The following PTGIR variants were observed in gnomAD, a reference collection of about 807,000 sequenced individuals.
The protein encoded by PTGIR is prostaglandin I2 receptor, also known as prostacyclin receptor.
Under a neutral mutation model 17.6 loss-of-function variants are expected in PTGIR, and 16 were observed. The observed-to-expected ratio is 0.91, with a 90% CI of 0.61 to 1.38. The LOEUF (loss-of-function observed/expected upper bound fraction) is 1.38. PTGIR is among the 40% of genes most tolerant of loss of function. The pLI is 0.00. For missense variants in PTGIR, 532 were observed against 548.6 expected (o/e 0.97, Z 0.30); for synonymous variants, 274 against 255.4 (o/e 1.07, Z -0.69).
At chr19:46,619,539 AAGAAAGAAAGAGAGAGAGAGAGAGAGAG>A (rs1346560916), downstream of PTGIR, among the ~76,000 whole-genome samples, 3 of 65,490 alleles carry the variant, frequency 4.6e-5, no homozygotes, top group African/African-American at 1.8e-4. Flanking sequence ...GAAAGAAAGA[AAGAAAGAAAGAGAGAGAGAGAGAGAGAG>A]AGAGAGAGAG....
downstream of PTGIR, among the ~76,000 whole-genome samples, chr19:46,619,497 A>AAAAGAAAGAAAG (rs1176986063): frequency 4.4e-4 from 49 of 110,548 alleles, no homozygotes; most frequent in South Asian, 6.3e-4. Context: ...TCTGTCTCAA[A>AAAAGAAAGAAAG]AAAGAAAGAA....
chr19:46,619,569 GAGAGAGAGAGAGA>G (rs1972018443), downstream of PTGIR, among the ~76,000 whole-genome samples: 1 of 113,078 alleles, frequency 8.8e-6, no homozygotes, highest in South Asian at 3.1e-4. Context: ...GAGAGAGAGA[GAGAGAGAGAGAGA>G]GAAAGAAAGA....
rs908990512 is a variant in PTGIR, at chr19:46,624,137, C to G, written c.89G>C (p.Gly30Ala). The G allele has an allele frequency of 6.5e-7, 1 of 1,533,188 alleles. No homozygotes were observed. The highest frequency in any genetic ancestry group is 8.7e-7 in the Non-Finnish European group (1 of 1,146,814). The allele number at this position is 1,533,188 out of a possible 1,614,324, so 95.0% of individuals were successfully genotyped here. A position where few individuals can be genotyped will look rare whatever the true frequency, so the allele number is the denominator to read the frequency against. The change falls in exon 2 of 3, where the codon GGC (glycine) becomes GCC (alanine). Residue 30 changes from glycine (G) to alanine (A), a missense_variant. Transcript: ENST00000291294. ...CAGGATGCCCAGGGCCAGCCCGTTG[C>G]CCACCACACCGGCCACGAACATCAG... ...STLMFVAGVV[G>A]NGLALGILSA...
chr19:46,622,474 G>T (rs1028597535), intron 2 of PTGIR: 35 of 897,240 alleles, frequency 3.9e-5, no homozygotes, highest in Non-Finnish European at 4.5e-5. Flanking sequence ...ATTATCTTAG[G>T]AAGTATCTGT....
intron 2 of PTGIR, 61 bp downstream of exon 2, chr19:46,623,397 C>T: frequency 6.9e-7 from 1 of 1,449,260 alleles, no homozygotes; most frequent in Non-Finnish European, 9.1e-7. Context: ...GTGACATGGG[C>T]ACAACCCACA....
downstream of PTGIR, among the ~76,000 whole-genome samples, chr19:46,616,326 CTTTTTTTTTTTTTT>C (rs1021116711): frequency 1.5e-5 from 1 of 66,574 alleles, no homozygotes; most frequent in Admixed American, 1.8e-4. Context: ...GACAGAAATG[CTTTTTTTTTTTTTT>C]TTTTTTTTTT....
chr19:46,614,506 C>T, the PTGIR span: 1 of 883,362 alleles, frequency 1.1e-6, no homozygotes, highest in Non-Finnish European at 1.4e-6. Context: ...ACTTCCTGAG[C>T]CCCACCCCAG....
At chr19:46,616,355 A>G (rs1971963512), downstream of PTGIR, among the ~76,000 whole-genome samples, 1 of 69,368 alleles carries the variant, frequency 1.4e-5, no homozygotes, top group Admixed American at 1.5e-4. Flanking sequence ...TTTTTTTTAG[A>G]CAAAGTCTCA....
chr19:46,619,517 GAAAGAAAGAAAGAAAGAAAGAAAGAA>G (rs1568675278), downstream of PTGIR, among the ~76,000 whole-genome samples: 566 of 64,042 alleles, frequency 8.8e-3, 6 homozygotes, highest in Admixed American at 0.01. Context: ...AAGAAAGAAA[GAAAGAAAGAAAGAAAGAAAGAAAGAA>G]AGAAAGAGAG....
chr19:46,619,654 A>AG (rs1972028964), downstream of PTGIR, among the ~76,000 whole-genome samples: 2 of 89,290 alleles, frequency 2.2e-5, no homozygotes, highest in African/African-American at 8.3e-5. Context: ...AGAAAGAAAG[A>AG]AAAGAAAGAA....
chr19:46,617,396 G>A (rs554112384), downstream of PTGIR, among the ~76,000 whole-genome samples: 1 of 152,234 alleles, frequency 6.6e-6, no homozygotes, highest in Admixed American at 6.5e-5. Context: ...AAAACCTCTG[G>A]CCTGTTAGAC....
chr19:46,612,279 T>C, the PTGIR span, among the ~76,000 whole-genome samples: 1 of 152,214 alleles, frequency 6.6e-6, no homozygotes, highest in Non-Finnish European at 1.5e-5. Flanking sequence ...AATGACCCTG[T>C]CCACAAAATG....
downstream of PTGIR, among the ~76,000 whole-genome samples, chr19:46,615,902 A>G (rs1275602331): frequency 6.6e-6 from 1 of 150,674 alleles, no homozygotes; most frequent in Non-Finnish European, 1.5e-5. Context: ...CCCGGACCCA[A>G]GCAATCCTCC....
downstream of PTGIR, among the ~76,000 whole-genome samples, chr19:46,620,158 G>T (rs1972037924): frequency 1.3e-5 from 2 of 152,196 alleles, no homozygotes; most frequent in African/African-American, 4.8e-5. Flanking sequence ...GTCACCCAGT[G>T]GCACGATCTC....
At chr19:46,619,512 A>AG (rs537465946), downstream of PTGIR, among the ~76,000 whole-genome samples, 24 of 54,544 alleles carry the variant, frequency 4.4e-4, no homozygotes, top group African/African-American at 1.9e-3. Context: ...AAAGAAAGAA[A>AG]GAAAGAAAGA....
At chr19:46,616,055 G>C (rs921129007), downstream of PTGIR, among the ~76,000 whole-genome samples, 5 of 152,094 alleles carry the variant, frequency 3.3e-5, no homozygotes, top group African/African-American at 1.2e-4. Flanking sequence ...ACCTGCCTCG[G>C]CCTCCCAAAA....
downstream of PTGIR, among the ~76,000 whole-genome samples, chr19:46,618,419 GGATTACAGGTGTTAGC>G (rs1971994198): frequency 6.6e-6 from 1 of 152,028 alleles, no homozygotes; most frequent in African/African-American, 2.4e-5. Flanking sequence ...CAAAGTGTTG[GGATTACAGGTGTTAGC>G]CACCATGACA....
In PTGIR at chr19:46,620,509, G is replaced by A. The variant is rs748029317; in HGVS notation, c.*771C>T. 25 of 985,316 alleles carry A rather than the reference G, an allele frequency of 2.5e-5. No individual in the cohort carries two copies. Among genetic ancestry groups the A allele is most frequent in the Non-Finnish European group, 2.8e-5 (23 of 829,956 alleles). 61.0% of individuals were successfully genotyped at this position (985,316 alleles called of 1,614,324 possible). A position where few individuals can be genotyped will look rare whatever the true frequency, so the allele number is the denominator to read the frequency against. On this transcript the variant is annotated 3_prime_UTR_variant, in exon 3 of 3. Coordinates refer to ENST00000291294, the MANE Select transcript of PTGIR (RefSeq NM_000960.4). The stretch of plus-strand genomic sequence containing the variant: ...GGCTTTTATTTATTCAGGACCCTGG[G>A]GACAGGCACAGGACTTAGGTTTGTG...
At position 46,621,323 on chromosome 19, in the gene PTGIR, G is replaced by T; in HGVS notation, c.1118C>A (p.Thr373Lys). 1 of 1,521,140 alleles carries T rather than the reference G, an allele frequency of 6.6e-7. No individual in the cohort carries two copies. The highest frequency in any genetic ancestry group is 2.2e-5 in the Admixed American group (1 of 45,828). 94.2% of individuals were successfully genotyped at this position (1,521,140 alleles called of 1,614,324 possible). ...GACGCTGGCTTCTGCTTTGGACGACGTTCCCACGGCGCTGCCGCTGGACTG... is the reference window on the plus strand; with the variant it reads ...GACGCTGGCTTCTGCTTTGGACGACTTTCCCACGGCGCTGCCGCTGGACTG... ...TQQSSGSAVGTSSKAEASVAC... is the reference protein window; with the variant it reads ...TQQSSGSAVGKSSKAEASVAC... Residue 373 changes from threonine (T) to lysine (K), a missense_variant, in exon 3 of 3, where the codon ACG (threonine) becomes AAG (lysine). Coordinates refer to ENST00000291294, the MANE Select transcript of PTGIR (RefSeq NM_000960.4). The surrounding 1 kb of genome is among the most constrained non-coding windows in gnomAD (Gnocchi z 4.8).
Sources: allele counts gnomAD v4.1 joint callset (sites outside exome capture counted in the v4.1 genomes callset), GRCh38; gene constraint gnomAD v4.1.1; non-coding constraint Gnocchi (gnomAD v3.1); transcripts MANE v1.5; gene names NCBI Gene and HGNC (gene_info 2026-07-23, HGNC 2026-07-21).